The following SNRNP70 variants were observed in gnomAD, a reference collection of about 807,000 sequenced individuals.
SNRNP70 encodes the protein small nuclear ribonucleoprotein U1 subunit 70, also known as U1 small nuclear ribonucleoprotein 70 kDa.
A neutral mutation model predicts 50.5 loss-of-function variants in SNRNP70; 8 were observed. That is an observed-to-expected ratio of 0.16 (90% CI 0.09 to 0.29). The LOEUF (loss-of-function observed/expected upper bound fraction) is 0.29, where lower values mean the gene tolerates loss of function less well. Among genes scored for constraint, SNRNP70 ranks in the 10% least tolerant of loss-of-function variants. The probability of loss-of-function intolerance (pLI) is 1.00; values close to 1 mark genes in which losing one functional copy is unlikely to be tolerated. For missense variants in SNRNP70, 529 were observed against 663.5 expected (o/e 0.80, Z 2.23); for synonymous variants, 320 against 252.9 (o/e 1.27, Z -2.52).
At chr19:49,099,830 T>C (rs1245362344) in intron 6 of SNRNP70, among the ~76,000 whole-genome samples, 1 of 151,766 alleles carries the variant, frequency 6.6e-6, no homozygotes, top group Admixed American at 6.6e-5. Flanking sequence ...TCACCTGAGG[T>C]CAGGAGGCAA....
intron 4 of SNRNP70, among the ~76,000 whole-genome samples, chr19:49,095,475 G>C (rs973002834): frequency 4.0e-5 from 6 of 151,298 alleles, no homozygotes; most frequent in African/African-American, 1.5e-4. Context: ...CATCTGATGT[G>C]ATCATAGGAT....
rs1462828342 is a variant in SNRNP70, at chr19:49,104,313, G to C, written c.476-321G>C. 3 of 302,048 alleles carry C rather than the reference G, an allele frequency of 9.9e-6. No individual in the cohort carries two copies. Among genetic ancestry groups the C allele is most frequent in the Non-Finnish European group, 1.9e-5 (3 of 160,340 alleles). The allele number at this position is 302,048 out of a possible 1,614,324, so 18.7% of individuals were successfully genotyped here. The stretch of plus-strand genomic sequence containing the variant: ...CCTTCAGTTTCTTTGCAGCGATTTT[G>C]GCCGCCCTGGCGGGAGGGGGCTGTT... On this transcript the variant is annotated intron_variant, in intron 7 of 9. Transcript: ENST00000598441. This position sits in a 1 kb window ranked among gnomAD's most constrained non-coding sequence, Gnocchi z 5.4.
chr19:49,085,668 G>A, intron 1 of SNRNP70, 32 bp downstream of exon 1: 1 of 455,464 alleles, frequency 2.2e-6, no homozygotes, highest in Non-Finnish European at 4.4e-6. Context: ...GCCCGACGGG[G>A]TGCGGGGCCG....
chr19:49,102,059 C>G (rs1466505052), intron 7 of SNRNP70: 1 of 935,716 alleles, frequency 1.1e-6, no homozygotes, highest in East Asian at 6.1e-5. Context: ...GTGGGCAGGG[C>G]TGCGGCGTGT....
intron 4 of SNRNP70, among the ~76,000 whole-genome samples, chr19:49,097,870 G>T (rs2040532563): frequency 6.6e-6 from 1 of 152,228 alleles, no homozygotes; most frequent in African/African-American, 2.4e-5. Flanking sequence ...CCTTTTTAGA[G>T]ACACAGGGCA....
chr19:49,093,689 A>C lies in SNRNP70; in HGVS notation c.265+3169A>C, dbSNP rs949323205. Among the ~76,000 whole-genome samples, 45 of 142,584 alleles carry C rather than the reference A, an allele frequency of 3.2e-4. 1 individual carries two copies. The highest frequency in any genetic ancestry group is 4.7e-4 in the Non-Finnish European group (30 of 63,722). The allele number at this position is 142,584 out of a possible 152,430, so 93.5% of individuals were successfully genotyped here. ...ACAAGATTCCATCTCAAAAAAAAAAAAAACAAAAAAAAAAACAGTTCCAGG... is the reference window on the plus strand; with the variant it reads ...ACAAGATTCCATCTCAAAAAAAAAACAAACAAAAAAAAAAACAGTTCCAGG... On this transcript the variant is annotated intron_variant, in intron 4 of 9. Coordinates refer to ENST00000598441, the MANE Select transcript of SNRNP70 (RefSeq NM_003089.6).
At chr19:49,101,790 G>A in intron 7 of SNRNP70, 1 of 407,922 alleles carries the variant, frequency 2.5e-6, no homozygotes, top group Non-Finnish European at 4.7e-6. Context: ...GGATTTTGGG[G>A]GAACCTCCCC....
intron 1 of SNRNP70, among the ~76,000 whole-genome samples, chr19:49,085,956 T>G (rs1228620971): frequency 1.3e-5 from 2 of 152,210 alleles, no homozygotes; most frequent in Non-Finnish European, 2.9e-5. Context: ...AAGCACTTGG[T>G]TTTGGGGCTT....
At chr19:49,094,129 T>C (rs2040484585) in intron 4 of SNRNP70, among the ~76,000 whole-genome samples, 2 of 152,324 alleles carry the variant, frequency 1.3e-5, no homozygotes, top group South Asian at 4.1e-4. Flanking sequence ...ATGTTAACTC[T>C]AAGATGTAAT....
chr19:49,090,145 C>T lies in SNRNP70; in HGVS notation c.148-146C>T, dbSNP rs2040430244. ...GCTTTGATCTGTGCCACTCCCCTCC[C>T]TCCACTGTGTCAGGGGAAGTGTGCG... On this transcript the variant is annotated intron_variant, in intron 2 of 9. Transcript: ENST00000598441. 1.1e-5 allele frequency: 8 copies of T among 700,732 alleles called. No individual in the cohort carries two copies. In the South Asian group the frequency reaches 1.2e-4, roughly 10 times the overall value. The allele number at this position is 700,732 out of a possible 1,614,324, so 43.4% of individuals were successfully genotyped here.
At chr19:49,091,145 C>T (rs894097621) in intron 4 of SNRNP70, among the ~76,000 whole-genome samples, 26 of 151,964 alleles carry the variant, frequency 1.7e-4, no homozygotes, top group African/African-American at 5.8e-4. Context: ...CCGAGGCAGG[C>T]GGATCATGAG....
At chr19:49,086,692 T>C in intron 2 of SNRNP70, 131 bp downstream of exon 2, 1 of 848,010 alleles carries the variant, frequency 1.2e-6, no homozygotes, top group Non-Finnish European at 1.9e-6. Flanking sequence ...TGATCCTCAG[T>C]TTCTCTGTTT....
At position 49,108,153 on chromosome 19, in the gene SNRNP70, G is replaced by A. The variant is rs2040704281; in HGVS notation, c.1024G>A (p.Gly342Ser). Residue 342 changes from glycine to serine, a missense_variant, in exon 10 of 10, where the codon GGT becomes AGT. Gly to Ser is a moderately conservative substitution (Grantham distance 56). This residue lies in a region of SNRNP70 where 327 missense variants were observed against 308.8 expected (regional missense o/e 1.06). Coordinates refer to ENST00000598441, the MANE Select transcript of SNRNP70 (RefSeq NM_003089.6). ...GGAGCTCGGGCCTGACGGCCCTGACGGTCCAGAGGAAAAGGGCCGGGATCG... is the reference window on the plus strand; with the variant it reads ...GGAGCTCGGGCCTGACGGCCCTGACAGTCCAGAGGAAAAGGGCCGGGATCG... ...PGELGPDGPD[G>S]PEEKGRDRDR... is the part of the protein sequence containing the mutation. 3 of 1,542,522 alleles carry A rather than the reference G, an allele frequency of 1.9e-6. No individual in the cohort carries two copies. Among genetic ancestry groups the A allele is most frequent in the South Asian group, 2.4e-5 (2 of 82,704 alleles).
intron 8 of SNRNP70, among the ~76,000 whole-genome samples, chr19:49,106,002 G>A (rs1244689739): frequency 6.6e-6 from 1 of 152,248 alleles, no homozygotes; most frequent in Non-Finnish European, 1.5e-5. Flanking sequence ...GCAAAGCTGA[G>A]TGACAGTTGT....
chr19:49,103,734 C>T (rs2040623164), intron 7 of SNRNP70: 1 of 152,638 alleles, frequency 6.6e-6, no homozygotes, highest in Non-Finnish European at 1.5e-5. Context: ...ATGACAGCCC[C>T]ACGTTGATCA....
In SNRNP70 at chr19:49,090,499, G is replaced by A; in HGVS notation, c.244G>A (p.Val82Met). 1.2e-6 allele frequency: 2 copies of A among 1,614,154 alleles called. No individual in the cohort carries two copies. The highest frequency in any genetic ancestry group is 1.7e-6 in the Non-Finnish European group (2 of 1,180,034). ...REKIERRQQE[V>M]ETELKMWDPH... ...AAAGATTGAGCGGCGACAGCAAGAA[G>A]TGGAGACAGAGCTTAAAATGTGTAA... Residue 82 changes from valine to methionine, a missense_variant, in exon 4 of 10, where the codon GTG (valine) becomes ATG (methionine). Coordinates refer to ENST00000598441, the MANE Select transcript of SNRNP70 (RefSeq NM_003089.6).
intron 6 of SNRNP70, among the ~76,000 whole-genome samples, chr19:49,100,129 C>G (rs2040563791): frequency 1.3e-5 from 2 of 152,222 alleles, no homozygotes; most frequent in South Asian, 4.1e-4. Flanking sequence ...GAATGGCGAA[C>G]TAGCCATCCT....
intron 1 of SNRNP70, 41 bp downstream of exon 1, chr19:49,085,677 C>T (rs923671134): frequency 4.4e-6 from 2 of 455,076 alleles, no homozygotes; most frequent in African/African-American, 2.0e-5. Context: ...GGTGCGGGGC[C>T]GCTACCCAGA....
At chr19:49,102,466 T>C (rs2040601162) in intron 7 of SNRNP70, 1 of 268,782 alleles carries the variant, frequency 3.7e-6, no homozygotes, top group Admixed American at 4.4e-5. Flanking sequence ...GGCTTCGTGA[T>C]GTCAGCGGCG....
Sources: allele counts gnomAD v4.1 joint callset (sites outside exome capture counted in the v4.1 genomes callset), GRCh38; gene constraint gnomAD v4.1.1; regional missense constraint gnomAD v4.1.1; non-coding constraint Gnocchi (gnomAD v3.1); transcripts MANE v1.5; gene names NCBI Gene and HGNC (gene_info 2026-07-23, HGNC 2026-07-21).